The following PTPRD variants were observed in gnomAD, a reference collection of about 807,000 sequenced individuals.
PTPRD encodes receptor-type tyrosine-protein phosphatase delta.
A neutral mutation model predicts 214.5 loss-of-function variants in PTPRD; 34 were observed. That is an observed-to-expected ratio of 0.16 (90% confidence interval 0.12 to 0.21). PTPRD has a LOEUF of 0.21. Ranked by LOEUF, PTPRD falls within the 10% of genes least tolerant of loss-of-function variation. The pLI is 1.00. For missense variants in PTPRD, 2,545 were observed against 2,398.7 expected (o/e 1.06, Z -1.27); for synonymous variants, 1,128 against 845.7 (o/e 1.33, Z -5.79).
At chr9:8,636,565 C>T (rs1349211664) in intron 13 of PTPRD, 134 bp downstream of exon 13, 12 of 1,140,128 alleles carry the variant, frequency 1.1e-5, no homozygotes, top group South Asian at 2.1e-5. Flanking sequence ...GTTACATTTT[C>T]CATCACTTGC....
rs150489155 is a variant in PTPRD, at chr9:9,244,431, A to T, written c.-202-61068T>A. On this transcript the variant is annotated intron_variant, in intron 9 of 45. Transcript: ENST00000381196. ...CCAAAACACCATGGTACTGGTACCA[A>T]TACAGAGATATAGACCAATGGAACA... Among the ~76,000 whole-genome samples the T allele has an allele frequency of 5.9e-5, 9 of 152,292 alleles. No individual in the cohort carries two copies. The South Asian group carries it at 1.9e-3, about 32-fold the overall frequency.
At position 8,376,026 on chromosome 9, in the gene PTPRD, A is replaced by T. The variant is rs2134820482; in HGVS notation, c.4571T>A (p.Val1524Asp). The T allele has an allele frequency of 6.2e-7, 1 of 1,613,004 alleles. No individual in the cohort carries two copies. The highest frequency in any genetic ancestry group is 8.5e-7 in the Non-Finnish European group (1 of 1,179,334). Residue 1524 changes from valine to aspartate, a missense_variant, in exon 39 of 46, where the codon GTT (valine) becomes GAT (aspartate). Transcript: ENST00000381196. Reference protein sequence around the residue: ...FQFTAWPDHGVPEHPTPFLAF... With the variant: ...FQFTAWPDHGDPEHPTPFLAF... The stretch of plus-strand genomic sequence containing the variant: ...TAGAAAAGGTGTAGGGTGTTCTGGA[A>T]CACCATGATCAGGCCAGGCGGTGAA...
intron 14 of PTPRD, among the ~76,000 whole-genome samples, chr9:8,536,321 C>G (rs1313424369): frequency 1.3e-5 from 2 of 151,676 alleles, no homozygotes; most frequent in African/African-American, 4.8e-5. Flanking sequence ...TTTTAAATGG[C>G]ATGGACTAGA....
intron 39 of PTPRD, among the ~76,000 whole-genome samples, chr9:8,372,421 CTTAA>C (rs1564356312): frequency 1.3e-5 from 2 of 151,866 alleles, no homozygotes; most frequent in African/African-American, 4.8e-5. Context: ...TGTCATCTTA[CTTAA>C]TTTTTATAAA....
intron 14 of PTPRD, among the ~76,000 whole-genome samples, chr9:8,550,989 G>C (rs957261987): frequency 7.2e-5 from 11 of 152,242 alleles, no homozygotes; most frequent in African/African-American, 2.7e-4. Flanking sequence ...CAGTTCTGCA[G>C]TGACAGTGTG....
At chr9:10,326,074 CT>C (rs2096637783) in intron 3 of PTPRD, among the ~76,000 whole-genome samples, 1 of 151,564 alleles carries the variant, frequency 6.6e-6, no homozygotes, top group African/African-American at 2.4e-5. Context: ...TATATATTTT[CT>C]TTTTTATATA....
chr9:9,694,632 T>C (rs1429414471), intron 7 of PTPRD, among the ~76,000 whole-genome samples: 1 of 152,060 alleles, frequency 6.6e-6, no homozygotes, highest in Non-Finnish European at 1.5e-5. Context: ...CAACTGATGT[T>C]GCTGACCTGA....
intron 14 of PTPRD, among the ~76,000 whole-genome samples, chr9:8,590,996 C>A (rs2094056575): frequency 6.6e-6 from 1 of 152,068 alleles, no homozygotes. Flanking sequence ...TTGCATTTTC[C>A]AGTTTCTAGA....
chr9:8,905,248 C>T (rs1387791536), intron 11 of PTPRD, among the ~76,000 whole-genome samples: 6 of 151,822 alleles, frequency 4.0e-5, no homozygotes, highest in Non-Finnish European at 8.8e-5. Context: ...TTTAATTTGG[C>T]CATGGTTTGC....
At chr9:9,897,128 A>G (rs911471005) in intron 5 of PTPRD, among the ~76,000 whole-genome samples, 2 of 40,532 alleles carry the variant, frequency 4.9e-5, no homozygotes, top group African/African-American at 1.8e-4. Flanking sequence ...CATCTCTTAC[A>G]CTTACACACA....
chr9:8,671,911 A>C (rs1202065807), intron 12 of PTPRD, among the ~76,000 whole-genome samples: 3 of 152,220 alleles, frequency 2.0e-5, no homozygotes, highest in Non-Finnish European at 4.4e-5. Context: ...TGGAGTAACT[A>C]AATGTTGGAA....
At chr9:8,472,371 C>T (rs2096669977) in intron 30 of PTPRD, among the ~76,000 whole-genome samples, 1 of 152,312 alleles carries the variant, frequency 6.6e-6, no homozygotes, top group African/African-American at 2.4e-5. Context: ...CCCTGTGTCA[C>T]ACTGAATCAC....
chr9:10,475,494 G>A (rs546446773), intron 2 of PTPRD, among the ~76,000 whole-genome samples: 2 of 151,968 alleles, frequency 1.3e-5, no homozygotes, highest in African/African-American at 4.8e-5. Flanking sequence ...ATAACTAATA[G>A]CCTACCAACC....
rs1350546941 is a variant in PTPRD at position 10,054,421 on chromosome 9, C to A, written c.-544-20631G>T. Among the ~76,000 whole-genome samples, 4 of 152,098 alleles carry A rather than the reference C, an allele frequency of 2.6e-5. No homozygotes were observed. The East Asian group carries it at 7.7e-4, about 29-fold the overall frequency. On this transcript the variant is annotated intron_variant, in intron 3 of 45. Coordinates refer to ENST00000381196, the MANE Select transcript of PTPRD (RefSeq NM_002839.4). ...AATATTTGCCTAGAACCAAGATGCCCTTAAAGTTTCCCTTAGTTGACTACA... is the reference window on the plus strand; with the variant it reads ...AATATTTGCCTAGAACCAAGATGCCATTAAAGTTTCCCTTAGTTGACTACA...
At chr9:8,762,097 G>A (rs2094448677) in intron 11 of PTPRD, among the ~76,000 whole-genome samples, 1 of 152,068 alleles carries the variant, frequency 6.6e-6, no homozygotes, top group Non-Finnish European at 1.5e-5. Flanking sequence ...AGCAGTTTAG[G>A]GGATGTGTGT....
intron 3 of PTPRD, among the ~76,000 whole-genome samples, chr9:10,089,939 T>G (rs992503695): frequency 6.6e-6 from 1 of 151,572 alleles, no homozygotes; most frequent in African/African-American, 2.4e-5. Context: ...CATTTAGAAT[T>G]TAAGGTGATT....
intron 7 of PTPRD, among the ~76,000 whole-genome samples, chr9:9,713,082 G>T (rs961032933): frequency 6.6e-6 from 1 of 152,046 alleles, no homozygotes; most frequent in Non-Finnish European, 1.5e-5. Context: ...TTGTATATGG[G>T]CAAGATTATT....
chr9:9,279,068 T>TA lies in PTPRD; in HGVS notation c.-202-95706dup, dbSNP rs1462828948. ...GGGATATATCATATCAATAGTTACC[T>TA]AAGAAAGTAATGTTTAATAAAAAAG... On this transcript the variant is annotated intron_variant, in intron 9 of 45. Coordinates refer to ENST00000381196, the MANE Select transcript of PTPRD (RefSeq NM_002839.4). 4.6e-5 allele frequency among the ~76,000 whole-genome samples: 7 copies of TA among 151,222 alleles called. No individual in the cohort carries two copies. The East Asian group carries it at 1.2e-3, about 26-fold the overall frequency.
intron 23 of PTPRD, among the ~76,000 whole-genome samples, chr9:8,501,727 C>A (rs181890507): frequency 2.5e-4 from 38 of 152,194 alleles, no homozygotes. Flanking sequence ...CATGCAGAAT[C>A]AATAAAGGAT....
Sources: allele counts gnomAD v4.1 joint callset (sites outside exome capture counted in the v4.1 genomes callset), GRCh38; gene constraint gnomAD v4.1.1; transcripts MANE v1.5; gene names NCBI Gene and HGNC (gene_info 2026-07-23, HGNC 2026-07-21).